The following PKNOX1 variants were observed in gnomAD, a reference collection of about 807,000 sequenced individuals.
PKNOX1 encodes homeobox protein PKNOX1.
Under a neutral mutation model 51.9 loss-of-function variants are expected in PKNOX1, and 15 were observed. The observed-to-expected ratio is 0.29, with a 90% CI of 0.19 to 0.45. The LOEUF is 0.45. PKNOX1 is among the 20% of genes least tolerant of loss of function. PKNOX1 has a pLI of 1.00. For missense variants in PKNOX1, 462 were observed against 547.5 expected (o/e 0.84, Z 1.56); for synonymous variants, 219 against 211.1 (o/e 1.04, Z -0.32).
intron 9 of PKNOX1, among the ~76,000 whole-genome samples, chr21:43,027,546 G>A (rs1164602121): frequency 6.6e-6 from 1 of 152,170 alleles, no homozygotes; most frequent in Non-Finnish European, 1.5e-5. Context: ...ACTGAAGACA[G>A]CAGCCTTTAA....
intron 1 of PKNOX1, among the ~76,000 whole-genome samples, chr21:42,983,598 T>A (rs957746412): frequency 1.3e-4 from 20 of 152,140 alleles, no homozygotes; most frequent in African/African-American, 4.8e-4. Flanking sequence ...TGAACCTGAG[T>A]GTGTAAATAC....
rs11361350 is a variant in PKNOX1 at position 42,994,918 on chromosome 21, C to CTTT, written c.-56-9389_-56-9387dup. Reference sequence around the variant, plus strand: ...TTCTTTTCTTTTCTTTTTCTTTCTTCTTTTTTTTTTTTTTTTTTTTTAAGA... The same window carrying CTTT: ...TTCTTTTCTTTTCTTTTTCTTTCTTCTTTTTTTTTTTTTTTTTTTTTTTTAAGA... On this transcript the variant is annotated intron_variant, in intron 1 of 10. Coordinates refer to ENST00000291547, the MANE Select transcript of PKNOX1 (RefSeq NM_004571.5). Among the ~76,000 whole-genome samples the CTTT allele has an allele frequency of 6.7e-3, 763 of 113,534 alleles. 11 individuals carry two copies. Among genetic ancestry groups the CTTT allele is most frequent in the African/African-American group, 0.02 (582 of 29,162 alleles). 74.5% of individuals were successfully genotyped at this position (113,534 alleles called of 152,430 possible). A position where few individuals can be genotyped will look rare whatever the true frequency, so the allele number is the denominator to read the frequency against.
chr21:43,007,757 T>C (rs1447124989), intron 3 of PKNOX1, 139 bp downstream of exon 3: 1 of 903,966 alleles, frequency 1.1e-6, no homozygotes, highest in Non-Finnish European at 1.7e-6. Flanking sequence ...GGCTGAAAAT[T>C]TTCTCAGATT....
rs1485799011 is a variant in PKNOX1 at position 43,021,214 on chromosome 21, C to T, written c.721-89C>T. The T allele has an allele frequency of 1.8e-6, 2 of 1,082,552 alleles. No individual in the cohort carries two copies. The highest frequency in any genetic ancestry group is 4.7e-5 in the Admixed American group (2 of 42,950). 67.1% of individuals were successfully genotyped at this position (1,082,552 alleles called of 1,614,324 possible). On this transcript the variant is annotated intron_variant, in intron 7 of 10. Transcript: ENST00000291547. The surrounding 1 kb of genome is among the most constrained non-coding windows in gnomAD (Gnocchi z 4.6). ...GACTACAATCATTTCCCTGTCCGAT[C>T]CTTGGCTGTTTTCTCCACCTGCAGT...
At chr21:43,004,542 G>A (rs2146262283) in intron 2 of PKNOX1, 110 bp downstream of exon 2, 1 of 782,206 alleles carries the variant, frequency 1.3e-6, no homozygotes, top group Admixed American at 1.8e-5. Context: ...CATGCTCAGT[G>A]TTAGTGTATT....
At chr21:43,022,724 G>A (rs913762577) in intron 8 of PKNOX1, among the ~76,000 whole-genome samples, 6 of 152,156 alleles carry the variant, frequency 3.9e-5, no homozygotes, top group Non-Finnish European at 8.8e-5. Flanking sequence ...GAATGTTAGT[G>A]TCGTTCAATA....
At position 43,030,173 on chromosome 21, in the gene PKNOX1, TG is replaced by T. The variant is rs1296467364; in HGVS notation, c.*73del. The T allele has an allele frequency of 1.7e-6, 2 of 1,160,126 alleles. No individual in the cohort carries two copies. Among genetic ancestry groups the T allele is most frequent in the Admixed American group, 5.4e-5 (2 of 36,968 alleles). The allele number at this position is 1,160,126 out of a possible 1,614,324, so 71.9% of individuals were successfully genotyped here. ...ATTTTACACAGTTTTATTTCTAATA[TG>T]TTTTATATGTAGATATAGAAGAGTG... On this transcript the variant is annotated 3_prime_UTR_variant, in exon 11 of 11. Coordinates refer to ENST00000291547, the MANE Select transcript of PKNOX1 (RefSeq NM_004571.5).
At chr21:43,024,640 T>G (rs1601303035) in intron 8 of PKNOX1, 1 of 486,342 alleles carries the variant, frequency 2.1e-6, no homozygotes, top group Non-Finnish European at 3.7e-6. Context: ...CCGTTAAACG[T>G]GGGGGGCGGT....
chr21:43,018,159 G>T lies in PKNOX1; in HGVS notation c.649G>T (p.Val217Phe). 6.2e-7 allele frequency: 1 copy of T among 1,612,730 alleles called. No homozygotes were observed. The highest frequency in any genetic ancestry group is 8.5e-7 in the Non-Finnish European group (1 of 1,179,138). Residue 217 changes from valine to phenylalanine, a missense_variant, in exon 7 of 11, where the codon GTC (valine) becomes TTC (phenylalanine). By Grantham distance (50) the Val-to-Phe change is conservative. This residue lies in a region of PKNOX1 where 126 missense variants were observed against 128.1 expected (regional missense o/e 0.98). Transcript: ENST00000291547. ...AGGTVYQPVT[V>F]VTPQGQVVTQ... The stretch of plus-strand genomic sequence containing the variant: ...TGGCACAGTGTATCAGCCTGTCACG[G>T]TCGTCACTCCCCAAGGCCAAGTGGT...
chr21:43,002,570 C>T (rs1372091180), intron 1 of PKNOX1, among the ~76,000 whole-genome samples: 1 of 152,158 alleles, frequency 6.6e-6, no homozygotes, highest in Non-Finnish European at 1.5e-5. Context: ...ATTGCTCAGG[C>T]TTCTAAGGTG....
chr21:43,019,502 A>G lies in PKNOX1; in HGVS notation c.720+1272A>G, dbSNP rs533146998. ...TGATATGCAGTCTGTTTACTTGTAG[A>G]ATTCTGGGTTGAAAATCCTTTCTAC... is the stretch of plus-strand genomic sequence containing the variant. On this transcript the variant is annotated intron_variant, in intron 7 of 10. Coordinates refer to ENST00000291547, the MANE Select transcript of PKNOX1 (RefSeq NM_004571.5). Among the ~76,000 whole-genome samples the G allele has an allele frequency of 1.9e-4, 29 of 152,164 alleles. No homozygotes were observed. The South Asian group carries it at 6.0e-3, about 32-fold the overall frequency.
intron 1 of PKNOX1, 65 bp from the exon 2 acceptor site, chr21:43,004,261 G>T: frequency 1.4e-6 from 1 of 691,756 alleles, no homozygotes; most frequent in South Asian, 1.7e-5. Flanking sequence ...TTGATGTTAT[G>T]GAATGAGGGA....
chr21:42,983,357 C>T (rs1462115422), intron 1 of PKNOX1, among the ~76,000 whole-genome samples: 1 of 152,128 alleles, frequency 6.6e-6, no homozygotes, highest in East Asian at 1.9e-4. Context: ...AATTTCGCTA[C>T]TATAGGGACT....
At chr21:42,978,773 C>T (rs1027811572) in intron 1 of PKNOX1, among the ~76,000 whole-genome samples, 4 of 151,746 alleles carry the variant, frequency 2.6e-5, no homozygotes, top group Admixed American at 6.6e-5. Flanking sequence ...CATGAGCCAC[C>T]GCACCCAGCC....
At chr21:42,982,909 A>C (rs1338033640) in intron 1 of PKNOX1, among the ~76,000 whole-genome samples, 8 of 151,906 alleles carry the variant, frequency 5.3e-5, no homozygotes, top group Admixed American at 2.0e-4. Flanking sequence ...TCCCGGGTTC[A>C]GGCAATTCTC....
chr21:42,993,650 GTTTTTTTTGTT>G (rs1568891609), intron 1 of PKNOX1, among the ~76,000 whole-genome samples: 1 of 19,986 alleles, frequency 5.0e-5, no homozygotes, highest in Admixed American at 4.8e-4. Context: ...TACCCACTTT[GTTTTTTTTGTT>G]TTTTTTTTTT....
At position 42,977,671 on chromosome 21, in the gene PKNOX1, C is replaced by T. The variant is rs541644984; in HGVS notation, c.-57+3007C>T. ...CAAGCGATTCTCCTGCCTCAGCCTC[C>T]GTAGTAGCTGGGAGTACAGGCAGCT... On this transcript the variant is annotated intron_variant, in intron 1 of 10. Transcript: ENST00000291547. Among the ~76,000 whole-genome samples the T allele has an allele frequency of 1.5e-4, 23 of 150,584 alleles. No homozygotes were observed. In the South Asian group the frequency reaches 3.6e-3, roughly 23 times the overall value.
intron 3 of PKNOX1, 27 bp from the exon 4 acceptor site, chr21:43,010,026 G>T: frequency 6.8e-7 from 1 of 1,473,374 alleles, no homozygotes; most frequent in Non-Finnish European, 9.2e-7. Flanking sequence ...GAACGTAAAT[G>T]GATTCTTTTT....
intron 1 of PKNOX1, among the ~76,000 whole-genome samples, chr21:43,001,487 C>G (rs906718772): frequency 6.6e-6 from 1 of 152,168 alleles, no homozygotes; most frequent in Non-Finnish European, 1.5e-5. Flanking sequence ...ATCCTTGGTC[C>G]TCCTTCTCCA....
Sources: allele counts gnomAD v4.1 joint callset (sites outside exome capture counted in the v4.1 genomes callset), GRCh38; gene constraint gnomAD v4.1.1; regional missense constraint gnomAD v4.1.1; non-coding constraint Gnocchi (gnomAD v3.1); transcripts MANE v1.5; gene names NCBI Gene and HGNC (gene_info 2026-07-23, HGNC 2026-07-21).